Variants in PCDHA2 observed in about 807,000 individuals in gnomAD.
The protein encoded by PCDHA2 is protocadherin alpha-2.
In PCDHA2, 58 loss-of-function variants were observed where a neutral mutation model predicts 66.0. The ratio of observed to expected loss-of-function variants is 0.88; its 90% confidence interval spans 0.71 to 1.09. The LOEUF (loss-of-function observed/expected upper bound fraction) is 1.09, where lower values mean the gene tolerates loss of function less well. Among genes scored for constraint, PCDHA2 ranks in the 50% least tolerant of loss-of-function variants. PCDHA2 has a pLI of 0.00. For synonymous variants in PCDHA2, 634 were observed against 554.0 expected (o/e 1.14, Z -2.03); for missense variants, 1,267 against 1,242.3 (o/e 1.02, Z -0.30).
chr5:140,949,537 C>T (rs1359504503), intron 1 of PCDHA2, among the ~76,000 whole-genome samples: 4 of 151,692 alleles, frequency 2.6e-5, no homozygotes, highest in African/African-American at 7.3e-5. Context: ...CATAAAATAT[C>T]GATTTGTTGC....
chr5:140,836,911 T>C (rs1774807793), intron 1 of PCDHA2: 1 of 572,226 alleles, frequency 1.7e-6, no homozygotes, highest in Non-Finnish European at 2.9e-6. Context: ...AATATACACT[T>C]TTGTTTTGGG....
At chr5:140,917,552 C>T (rs200211133) in intron 1 of PCDHA2, among the ~76,000 whole-genome samples, 1 of 152,192 alleles carries the variant, frequency 6.6e-6, no homozygotes, top group Non-Finnish European at 1.5e-5. Flanking sequence ...TTACATTTAA[C>T]TCTTTAATCC....
At chr5:141,009,118 C>G (rs2098400274) in intron 3 of PCDHA2, among the ~76,000 whole-genome samples, 1 of 152,182 alleles carries the variant, frequency 6.6e-6, no homozygotes, top group Non-Finnish European at 1.5e-5. Flanking sequence ...AAACTAGATT[C>G]TTGGTATCCT....
chr5:140,848,317 A>T, intron 1 of PCDHA2: 1 of 749,894 alleles, frequency 1.3e-6, no homozygotes. Context: ...CTTTGCCGCG[A>T]TGTTCTCTCT....
rs141558342 is a variant in PCDHA2 at position 140,862,206 on chromosome 5, T to G, written c.2388+64854T>G. The G allele has an allele frequency of 1.6e-3, 319 of 195,694 alleles. 1 individual carries two copies. The highest frequency in any genetic ancestry group is 7.0e-3 in the African/African-American group (300 of 43,022). 12.1% of individuals were successfully genotyped at this position (195,694 alleles called of 1,614,324 possible). A position where few individuals can be genotyped will look rare whatever the true frequency, so the allele number is the denominator to read the frequency against. On this transcript the variant is annotated intron_variant, in intron 1 of 3. Transcript: ENST00000526136. ...AGGCAATTCCCCAATGTTTGATCAC[T>G]GCACAGACTTGATAGAAGTCTTGGA...
intron 1 of PCDHA2, among the ~76,000 whole-genome samples, chr5:140,945,791 G>T (rs782283550): frequency 1.3e-5 from 2 of 152,064 alleles, no homozygotes; most frequent in Non-Finnish European, 2.9e-5. Flanking sequence ...GCAGAAAAAT[G>T]AAACTAGACC....
intron 1 of PCDHA2, chr5:140,868,996 G>T: frequency 6.6e-7 from 1 of 1,516,608 alleles, no homozygotes; most frequent in South Asian, 1.4e-5. Flanking sequence ...CACCGTTTAA[G>T]GATCCTTTGA....
chr5:140,947,569 A>G (rs2094145868), intron 1 of PCDHA2, among the ~76,000 whole-genome samples: 1 of 151,666 alleles, frequency 6.6e-6, no homozygotes. Flanking sequence ...TATATTGGGA[A>G]TGTTTTTAAC....
At chr5:140,823,676 G>A (rs2150128163) in intron 1 of PCDHA2, 3 of 1,614,042 alleles carry the variant, frequency 1.9e-6, no homozygotes, top group Non-Finnish European at 2.5e-6. Context: ...AGCACAACAC[G>A]CTCTCTGGAT....
At chr5:140,982,268 A>G (rs2096974621) in intron 2 of PCDHA2, 3 of 885,512 alleles carry the variant, frequency 3.4e-6, no homozygotes, top group South Asian at 2.2e-5. Flanking sequence ...TGTTCCTGGA[A>G]TAGTATAGCA....
chr5:140,835,536 G>T, intron 1 of PCDHA2: 9 of 1,613,940 alleles, frequency 5.6e-6, no homozygotes, highest in Non-Finnish European at 7.6e-6. Context: ...CAACGGACAG[G>T]TTACCTGCTC....
intron 1 of PCDHA2, among the ~76,000 whole-genome samples, chr5:140,898,068 C>A (rs1420706890): frequency 8.5e-5 from 13 of 152,050 alleles, no homozygotes; most frequent in African/African-American, 2.7e-4. Context: ...TGTTTGAGTT[C>A]ATTGTAGATT....
intron 1 of PCDHA2, chr5:140,823,320 G>A (rs2150124673): frequency 2.5e-6 from 4 of 1,612,172 alleles, no homozygotes; most frequent in South Asian, 1.1e-5. Context: ...AGAGCGGCAA[G>A]GTGTACGCGC....
intron 1 of PCDHA2, chr5:140,801,798 A>C: frequency 6.2e-7 from 1 of 1,614,058 alleles, no homozygotes; most frequent in Non-Finnish European, 8.5e-7. Context: ...AAAAAATTTA[A>C]ATCGAGAGGA....
At chr5:140,933,512 A>C (rs2089201610) in intron 1 of PCDHA2, among the ~76,000 whole-genome samples, 1 of 152,078 alleles carries the variant, frequency 6.6e-6, no homozygotes, top group African/African-American at 2.4e-5. Context: ...CAAAGACTAC[A>C]GCTGTTTTGT....
intron 3 of PCDHA2, among the ~76,000 whole-genome samples, chr5:141,008,176 C>T (rs2098363819): frequency 6.6e-6 from 1 of 152,032 alleles, no homozygotes; most frequent in East Asian, 1.9e-4. Context: ...AAAATGTGAC[C>T]ATTGATTGTG....
At chr5:140,968,036 A>T in intron 1 of PCDHA2, 1 of 1,614,160 alleles carries the variant, frequency 6.2e-7, no homozygotes, top group Non-Finnish European at 8.5e-7. Context: ...ACTGGTGGTG[A>T]GCGGCCCACT....
chr5:140,884,514 C>A (rs368331245), intron 1 of PCDHA2: 13 of 1,614,176 alleles, frequency 8.1e-6, no homozygotes, highest in East Asian at 2.2e-5. Context: ...GGGAGTTGGT[C>A]GTACTCGCAG....
At chr5:140,992,131 T>C (rs1554252686) in intron 3 of PCDHA2, among the ~76,000 whole-genome samples, 1 of 151,874 alleles carries the variant, frequency 6.6e-6, no homozygotes, top group African/African-American at 2.4e-5. Flanking sequence ...GAACAGTGAC[T>C]GATGATGCTA....
Sources: allele counts gnomAD v4.1 joint callset (sites outside exome capture counted in the v4.1 genomes callset), GRCh38; gene constraint gnomAD v4.1.1; transcripts MANE v1.5; gene names NCBI Gene and HGNC (gene_info 2026-07-23, HGNC 2026-07-21).